TLN2: variants seen among roughly 807,000 people sequenced by gnomAD.
The protein encoded by TLN2 is talin 2, also known as talin-2.
In TLN2, 118 loss-of-function variants were observed where a neutral mutation model predicts 294.7. The observed-to-expected ratio is 0.40, with a 90% CI of 0.34 to 0.47. The LOEUF (loss-of-function observed/expected upper bound fraction) is 0.47, where lower values mean the gene tolerates loss of function less well. Among genes scored for constraint, TLN2 ranks in the 20% least tolerant of loss-of-function variants. The pLI, the probability that TLN2 is intolerant of heterozygous loss-of-function variation, is 0.84. For synonymous variants in TLN2, 1,431 were observed against 1,304.5 expected (o/e 1.10, Z -2.09); for missense variants, 3,083 against 3,282.2 (o/e 0.94, Z 1.48).
intron 12 of TLN2, among the ~76,000 whole-genome samples, chr15:62,692,144 A>G (rs1191211272): frequency 6.6e-6 from 1 of 152,156 alleles, no homozygotes; most frequent in Admixed American, 6.5e-5. Context: ...TTTGACACTA[A>G]GGTTCCTGCT....
rs1465317673 is a variant in TLN2 at position 62,740,836 on chromosome 15, C to T, written c.4025+67C>T. 8 of 1,592,324 alleles carry T rather than the reference C, an allele frequency of 5.0e-6. No homozygotes were observed. The East Asian group carries it at 1.8e-4, about 36-fold the overall frequency. ...GTGTCATTGCAGTCTGAAGATGTGC[C>T]TGACATCCTCCCACTTTTGCTGAGC... On this transcript the variant is annotated intron_variant, in intron 32 of 58. Coordinates refer to ENST00000636159, the MANE Select transcript of TLN2 (RefSeq NM_015059.3).
intron 2 of TLN2, among the ~76,000 whole-genome samples, chr15:62,614,968 G>A (rs2048197397): frequency 1.3e-5 from 2 of 152,064 alleles, no homozygotes; most frequent in African/African-American, 4.8e-5. Flanking sequence ...ACCACGCCTG[G>A]CTAATTTTTG....
chr15:62,481,674 T>C (rs1208707730), intron 1 of TLN2, among the ~76,000 whole-genome samples: 1 of 152,200 alleles, frequency 6.6e-6, no homozygotes, highest in Non-Finnish European at 1.5e-5. Flanking sequence ...AAAGTGCTTT[T>C]TTTTTAAATG....
intron 1 of TLN2, among the ~76,000 whole-genome samples, chr15:62,570,475 A>C (rs1386981982): frequency 6.6e-6 from 1 of 152,240 alleles, no homozygotes; most frequent in African/African-American, 2.4e-5. Flanking sequence ...AGAATAGATA[A>C]ATAAAGGATG....
At chr15:62,420,535 T>A (rs2034328714) in intron 1 of TLN2, among the ~76,000 whole-genome samples, 1 of 152,184 alleles carries the variant, frequency 6.6e-6, no homozygotes, top group African/African-American at 2.4e-5. Context: ...CAGCTGGGAC[T>A]ACAGGCGTGC....
chr15:62,612,818 A>G (rs772144258), intron 2 of TLN2, among the ~76,000 whole-genome samples: 6 of 152,218 alleles, frequency 3.9e-5, no homozygotes, highest in Non-Finnish European at 7.3e-5. Flanking sequence ...GTAGAAATGT[A>G]TGAAATGAAC....
intron 1 of TLN2, among the ~76,000 whole-genome samples, chr15:62,417,414 C>T (rs996270647): frequency 1.3e-5 from 2 of 152,156 alleles, no homozygotes; most frequent in African/African-American, 4.8e-5. Flanking sequence ...TATGCTTCCT[C>T]TCATGCCAGA....
intron 1 of TLN2, among the ~76,000 whole-genome samples, chr15:62,514,565 A>AT (rs1446935506): frequency 6.6e-6 from 1 of 152,200 alleles, no homozygotes; most frequent in Non-Finnish European, 1.5e-5. Flanking sequence ...GTAAGAAGAG[A>AT]TTTTATTTTA....
At chr15:62,581,009 A>T (rs1458387275) in intron 1 of TLN2, among the ~76,000 whole-genome samples, 2 of 150,376 alleles carry the variant, frequency 1.3e-5, no homozygotes, top group Non-Finnish European at 3.0e-5. Context: ...TCAGCTTCCC[A>T]GGTAGCTGGG....
chr15:62,792,729 C>G lies in TLN2; in HGVS notation c.5825C>G (p.Pro1942Arg). 1 of 1,614,014 alleles carries G rather than the reference C, an allele frequency of 6.2e-7. No homozygotes were observed. The highest frequency in any genetic ancestry group is 8.5e-7 in the Non-Finnish European group (1 of 1,180,026). The change falls in exon 46 of 59, where the codon CCC becomes CGC. Residue 1942 changes from proline (P) to arginine (R), a missense_variant. Pro to Arg is a moderately radical substitution (Grantham distance 103). Coordinates refer to ENST00000636159, the MANE Select transcript of TLN2 (RefSeq NM_015059.3). ...AAGGCAGGGGCCCTCCAGGTCTGCCCCACAGACAGCTACACCAAGAGGGAG... is the reference window on the plus strand; with the variant it reads ...AAGGCAGGGGCCCTCCAGGTCTGCCGCACAGACAGCTACACCAAGAGGGAG... Reference protein sequence around the residue: ...VQKAGALQVCPTDSYTKRELI... With the variant: ...VQKAGALQVCRTDSYTKRELI...
rs60573464 is a variant in TLN2 at position 62,802,411 on chromosome 15, T to TACACACAC, written c.6477+1662_6477+1669dup. Among the ~76,000 whole-genome samples, 1,034 of 149,828 alleles carry TACACACAC rather than the reference T, an allele frequency of 6.9e-3. 5 individuals are homozygous for TACACACAC. The highest frequency in any genetic ancestry group is 6.5e-3 in the Non-Finnish European group (440 of 67,382). ...ATGAATGGACACACATATACAATGGTACACACACACACACACACACACACA... is the reference window on the plus strand; with the variant it reads ...ATGAATGGACACACATATACAATGGTACACACACACACACACACACACACACACACACA... On this transcript the variant is annotated intron_variant, in intron 50 of 58. Coordinates refer to ENST00000636159, the MANE Select transcript of TLN2 (RefSeq NM_015059.3).
intron 1 of TLN2, among the ~76,000 whole-genome samples, chr15:62,429,662 T>C (rs1483180132): frequency 2.6e-5 from 4 of 152,202 alleles, no homozygotes; most frequent in East Asian, 1.9e-4. Context: ...GGGTGGGAAC[T>C]GGAAGATGCT....
At chr15:62,809,435 A>C (rs1484360146) in intron 51 of TLN2, among the ~76,000 whole-genome samples, 12 of 152,198 alleles carry the variant, frequency 7.9e-5, no homozygotes, top group Non-Finnish European at 4.4e-5. Context: ...GGCCCTGGTC[A>C]CAGAGACCTC....
intron 1 of TLN2, among the ~76,000 whole-genome samples, chr15:62,472,790 G>T (rs1412752921): frequency 3.3e-5 from 5 of 152,168 alleles, no homozygotes; most frequent in Non-Finnish European, 7.3e-5. Context: ...TCCGACCGAC[G>T]GATGACTTGA....
At chr15:62,827,306 T>C (rs1403665959) in intron 54 of TLN2, among the ~76,000 whole-genome samples, 1 of 151,784 alleles carries the variant, frequency 6.6e-6, no homozygotes, top group African/African-American at 2.4e-5. Flanking sequence ...GCGGGGGCAG[T>C]GGGGGATGTT....
At chr15:62,499,608 T>TC (rs560356817) in intron 1 of TLN2, among the ~76,000 whole-genome samples, 254 of 152,230 alleles carry the variant, frequency 1.7e-3, no homozygotes, top group Non-Finnish European at 1.9e-3. Context: ...AGGTTTCTCT[T>TC]CTTTGTTTTT....
At chr15:62,467,871 T>C (rs1953445208) in intron 1 of TLN2, among the ~76,000 whole-genome samples, 1 of 152,152 alleles carries the variant, frequency 6.6e-6, no homozygotes, top group South Asian at 2.1e-4. Context: ...CAGATAATTT[T>C]ATAATCCCTG....
Position 62,771,006 on chromosome 15 carries a change from G to A in TLN2, c.5239G>A (p.Ala1747Thr), listed in dbSNP as rs751569576. The change falls in exon 42 of 59, where the codon GCA becomes ACA. Residue 1747 changes from alanine to threonine, a missense_variant. Transcript: ENST00000636159. ...ASYFEPLILA[A>T]VGVASKILDH... The stretch of plus-strand genomic sequence containing the variant: ...CTATTTTGAGCCCTTGATCTTAGCC[G>A]CAGTTGGTGTGGCCTCCAAGATTCT... The A allele has an allele frequency of 1.1e-5, 18 of 1,608,382 alleles. No homozygotes were observed. In the East Asian group the frequency reaches 1.3e-4, roughly 12 times the overall value.
At chr15:62,497,817 T>C (rs2039087017) in intron 1 of TLN2, among the ~76,000 whole-genome samples, 1 of 152,182 alleles carries the variant, frequency 6.6e-6, no homozygotes, top group Non-Finnish European at 1.5e-5. Flanking sequence ...GTTCCTTTTT[T>C]CCATGGTGGG....
Sources: allele counts gnomAD v4.1 joint callset (sites outside exome capture counted in the v4.1 genomes callset), GRCh38; gene constraint gnomAD v4.1.1; transcripts MANE v1.5; gene names NCBI Gene and HGNC (gene_info 2026-07-23, HGNC 2026-07-21).